The following PI4K2B variants were observed in gnomAD, a reference collection of about 807,000 sequenced individuals.
PI4K2B encodes phosphatidylinositol 4-kinase type 2-beta.
In PI4K2B, 46 loss-of-function variants were observed where a neutral mutation model predicts 56.6. That is an observed-to-expected ratio of 0.81 (90% CI 0.64 to 1.04). PI4K2B has a LOEUF of 1.04. PI4K2B is among the 50% of genes least tolerant of loss of function. The pLI is 0.00. For missense variants in PI4K2B, 556 were observed against 607.7 expected, an observed-to-expected ratio of 0.91 and a Z score of 0.89; for synonymous variants, 211 against 223.8, an observed-to-expected ratio of 0.94 and a Z score of 0.51.
At chr4:25,252,174 A>G in intron 1 of PI4K2B, 147 bp from the exon 2 acceptor site, 2 of 360,668 alleles carry the variant, frequency 5.5e-6, no homozygotes, top group South Asian at 3.4e-5. Context: ...GGGGGTTGTT[A>G]GGCAGTGGGG....
chr4:25,273,089 C>T (rs1716963055), intron 9 of PI4K2B, among the ~76,000 whole-genome samples: 1 of 151,410 alleles, frequency 6.6e-6, no homozygotes, highest in East Asian at 1.9e-4. Flanking sequence ...ATGGCGTGCT[C>T]TAATTCTTCA....
At chr4:25,238,063 C>G (rs1715341896) in intron 1 of PI4K2B, among the ~76,000 whole-genome samples, 1 of 152,094 alleles carries the variant, frequency 6.6e-6, no homozygotes, top group South Asian at 2.1e-4. Flanking sequence ...TTTAATGATT[C>G]ATGGTGGTTT....
intron 1 of PI4K2B, among the ~76,000 whole-genome samples, chr4:25,241,820 C>A (rs1046626666): frequency 6.6e-6 from 1 of 152,172 alleles, no homozygotes; most frequent in Admixed American, 6.5e-5. Flanking sequence ...TCGGCTCCCT[C>A]TGTGACGTAT....
chr4:25,258,820 G>C (rs931922107), intron 4 of PI4K2B, among the ~76,000 whole-genome samples: 1 of 151,834 alleles, frequency 6.6e-6, no homozygotes, highest in Non-Finnish European at 1.5e-5. Context: ...GAAAGTCTAG[G>C]GGTAAGCATT....
At chr4:25,254,808 C>T (rs1011082431) in intron 2 of PI4K2B, among the ~76,000 whole-genome samples, 2 of 152,100 alleles carry the variant, frequency 1.3e-5, no homozygotes, top group East Asian at 1.9e-4. Flanking sequence ...GAGCCTTGCC[C>T]CCACCTTCCC....
Position 25,260,513 on chromosome 4 carries a change from T to G in PI4K2B, c.911-11T>G. 7.4e-7 allele frequency: 1 copy of G among 1,345,020 alleles called. No homozygotes were observed. The highest frequency in any genetic ancestry group is 1.0e-6 in the Non-Finnish European group (1 of 998,718). 83.3% of individuals were successfully genotyped at this position (1,345,020 alleles called of 1,614,324 possible). On this transcript the variant is annotated splice_polypyrimidine_tract_variant and intron_variant, in intron 5 of 9. Transcript: ENST00000264864. ...AAATGAAGTAACAGATTTTCTTGTTTGTTTTGAAAGACAGGGGCAATGATA... is the reference window on the plus strand; with the variant it reads ...AAATGAAGTAACAGATTTTCTTGTTGGTTTTGAAAGACAGGGGCAATGATA...
In PI4K2B at chr4:25,277,382, C is replaced by G. The variant is rs1717146342; in HGVS notation, c.*195C>G. The stretch of plus-strand genomic sequence containing the variant: ...AAATTTCTATTTCAGGGAAGAAGTG[C>G]TATATCTCCTATATTGTATTTTTGT... On this transcript the variant is annotated 3_prime_UTR_variant, in exon 10 of 10. Coordinates refer to ENST00000264864, the MANE Select transcript of PI4K2B (RefSeq NM_018323.4). The G allele has an allele frequency of 4.4e-6, 2 of 459,258 alleles. No homozygotes were observed. The highest frequency in any genetic ancestry group is 7.3e-6 in the Non-Finnish European group (2 of 273,920). The allele number at this position is 459,258 out of a possible 1,614,324, so 28.4% of individuals were successfully genotyped here.
At chr4:25,274,698 C>T (rs1285563290) in intron 9 of PI4K2B, among the ~76,000 whole-genome samples, 1 of 152,130 alleles carries the variant, frequency 6.6e-6, no homozygotes, top group Non-Finnish European at 1.5e-5. Context: ...CTTCTGAATT[C>T]CCGAAGAAAT....
intron 1 of PI4K2B, among the ~76,000 whole-genome samples, chr4:25,244,810 C>T (rs934682378): frequency 1.3e-5 from 2 of 152,188 alleles, no homozygotes; most frequent in Non-Finnish European, 2.9e-5. Context: ...TGCCCAAGAA[C>T]CCGCAACGGT....
At chr4:25,254,957 C>A in intron 2 of PI4K2B, 108 bp from the exon 3 acceptor site, 1 of 703,718 alleles carries the variant, frequency 1.4e-6, no homozygotes, top group Non-Finnish European at 2.4e-6. Flanking sequence ...GGATTTATGC[C>A]TACATCTGTG....
chr4:25,238,315 T>C (rs1207473606), intron 1 of PI4K2B, among the ~76,000 whole-genome samples: 1 of 152,204 alleles, frequency 6.6e-6, no homozygotes, highest in African/African-American at 2.4e-5. Context: ...CACAGTCTCT[T>C]GGTGAATGCT....
intron 1 of PI4K2B, among the ~76,000 whole-genome samples, chr4:25,246,499 C>A (rs1012311810): frequency 6.6e-6 from 1 of 152,228 alleles, no homozygotes; most frequent in African/African-American, 2.4e-5. Context: ...TATTTACAAT[C>A]CCTTAGCTAG....
At position 25,278,063 on chromosome 4, in the gene PI4K2B, G is replaced by A. The variant is rs747044733; in HGVS notation, c.*876G>A. 6.6e-6 allele frequency: 1 copy of A among 152,068 alleles called. No individual in the cohort carries two copies. The highest frequency in any genetic ancestry group is 1.5e-5 in the Non-Finnish European group (1 of 68,002). 9.4% of individuals were successfully genotyped at this position (152,068 alleles called of 1,614,324 possible). A position where few individuals can be genotyped will look rare whatever the true frequency, so the allele number is the denominator to read the frequency against. On this transcript the variant is annotated 3_prime_UTR_variant, in exon 10 of 10. Coordinates refer to ENST00000264864, the MANE Select transcript of PI4K2B (RefSeq NM_018323.4). ...CATACTCCAAATTGTATATTGGATT[G>A]CATTTTGGGGTCCTAGGTCATACGT...
chr4:25,239,380 C>T (rs1445336592), intron 1 of PI4K2B, among the ~76,000 whole-genome samples: 1 of 152,210 alleles, frequency 6.6e-6, no homozygotes, highest in African/African-American at 2.4e-5. Flanking sequence ...GTCCTGAGCC[C>T]TGCCCTACGG....
intron 4 of PI4K2B, among the ~76,000 whole-genome samples, chr4:25,258,210 G>T (rs1167734786): frequency 1.3e-5 from 1 of 74,298 alleles, no homozygotes; most frequent in Non-Finnish European, 3.6e-5. Flanking sequence ...TAAGGAATCT[G>T]TCCTTTTTTT....
At chr4:25,251,000 A>C (rs1716027754) in intron 1 of PI4K2B, among the ~76,000 whole-genome samples, 1 of 84,048 alleles carries the variant, frequency 1.2e-5, no homozygotes, top group Non-Finnish European at 2.9e-5. Flanking sequence ...GTAGGGATGA[A>C]GCCTTTGGGA....
At chr4:25,245,823 T>TAGTCC (rs1469708936) in intron 1 of PI4K2B, among the ~76,000 whole-genome samples, 1 of 152,158 alleles carries the variant, frequency 6.6e-6, no homozygotes, top group Non-Finnish European at 1.5e-5. Flanking sequence ...CGATAGGCGA[T>TAGTCC]AGTCCCTTTG....
intron 5 of PI4K2B, among the ~76,000 whole-genome samples, chr4:25,260,243 A>C (rs1462752063): frequency 6.6e-6 from 1 of 152,162 alleles, no homozygotes; most frequent in Non-Finnish European, 1.5e-5. Flanking sequence ...TTGATTTAAT[A>C]ATTGTATCAC....
chr4:25,248,231 A>G (rs1016065634), intron 1 of PI4K2B, among the ~76,000 whole-genome samples: 6 of 152,206 alleles, frequency 3.9e-5, no homozygotes, highest in African/African-American at 1.2e-4. Flanking sequence ...TCTTATTTTT[A>G]GTTCTCCATT....
Sources: allele counts gnomAD v4.1 joint callset (sites outside exome capture counted in the v4.1 genomes callset), GRCh38; gene constraint gnomAD v4.1.1; transcripts MANE v1.5; gene names NCBI Gene and HGNC (gene_info 2026-07-23, HGNC 2026-07-21).